Variants in EIF3A observed in about 807,000 individuals in gnomAD.
The protein encoded by EIF3A is eukaryotic translation initiation factor 3 subunit A.
Under a neutral mutation model 186.6 loss-of-function variants are expected in EIF3A, and 21 were observed. The observed-to-expected ratio is 0.11, with a 90% CI of 0.08 to 0.16. EIF3A has a LOEUF of 0.16. EIF3A is among the 10% of genes least tolerant of loss of function. The pLI is 1.00. For synonymous variants in EIF3A, 563 were observed against 584.3 expected (o/e 0.96, Z 0.52); for missense variants, 1,306 against 1,796.3 (o/e 0.73, Z 4.93).
intron 12 of EIF3A, among the ~76,000 whole-genome samples, 171 bp from the exon 13 acceptor site, chr10:119,057,211 G>A (rs1253804621): frequency 9.2e-5 from 14 of 152,010 alleles, no homozygotes; most frequent in Non-Finnish European, 1.9e-4. Context: ...TGACCATAAG[G>A]AAAAAAATAT....
At chr10:119,080,385 G>A in intron 1 of EIF3A, 1 of 985,460 alleles carries the variant, frequency 1.0e-6, no homozygotes, top group Non-Finnish European at 1.2e-6. Flanking sequence ...CGCACCCGGA[G>A]GCGGCAGGGG....
At chr10:119,077,207 G>A (rs562369602) in intron 1 of EIF3A, among the ~76,000 whole-genome samples, 1 of 152,244 alleles carries the variant, frequency 6.6e-6, no homozygotes, top group East Asian at 1.9e-4. Flanking sequence ...GCTCACGCCT[G>A]TAATCCCAGC....
At chr10:119,080,464 A>T in intron 1 of EIF3A, 164 bp downstream of exon 1, 2 of 985,398 alleles carry the variant, frequency 2.0e-6, no homozygotes, top group Non-Finnish European at 2.4e-6. Flanking sequence ...TAGAGTGAGA[A>T]GGAAACCCAT....
chr10:119,064,292 G>A (rs1276582455), intron 7 of EIF3A, among the ~76,000 whole-genome samples: 1 of 152,164 alleles, frequency 6.6e-6, no homozygotes, highest in African/African-American at 2.4e-5. Flanking sequence ...TTGAACATCA[G>A]ACACTGAAGG....
chr10:119,060,860 A>G lies in EIF3A; in HGVS notation c.1228-16T>C. ...AATTTAGAACCTATAAAATCCATTA[A>G]ATTGAAAGAGAATCACACTTTCTAC... On this transcript the variant is annotated splice_polypyrimidine_tract_variant and intron_variant, in intron 8 of 21. Transcript: ENST00000369144. 2 of 1,539,922 alleles carry G rather than the reference A, an allele frequency of 1.3e-6. No individual in the cohort carries two copies. The highest frequency in any genetic ancestry group is 1.8e-6 in the Non-Finnish European group (2 of 1,130,732).
At position 119,042,496 on chromosome 10, in the gene EIF3A, G is replaced by A; in HGVS notation, c.3024C>T (p.Asn1008=). ...GTCTGTCATCATCCGCATGACGCCA[G>A]TTTCCCCTGTCTTCATCGGCAATTC... is the stretch of plus-strand genomic sequence containing the variant. ...PRRIADEDRG[N]WRHADDDRPP... Residue 1008 remains asparagine (N), a synonymous_variant, in exon 19 of 22, where the codon AAC becomes AAT. Transcript: ENST00000369144. This position sits in a 1 kb window ranked among gnomAD's most constrained non-coding sequence, Gnocchi z 7.8. 6.2e-7 allele frequency: 1 copy of A among 1,614,180 alleles called. No homozygotes were observed. Among genetic ancestry groups the A allele is most frequent in the African/African-American group, 1.3e-5 (1 of 75,040 alleles).
At chr10:119,075,621 A>AAAAAG (rs5788327) in intron 1 of EIF3A, among the ~76,000 whole-genome samples, 1 of 111,730 alleles carries the variant, frequency 9.0e-6, no homozygotes, top group African/African-American at 3.4e-5. Flanking sequence ...AAAAAAAAAA[A>AAAAAG]GGGGGGGAGC....
chr10:119,051,219 C>A lies in EIF3A; in HGVS notation c.2299G>T (p.Ala767Ser). 2 of 1,609,508 alleles carry A rather than the reference C, an allele frequency of 1.2e-6. No individual in the cohort carries two copies. Among genetic ancestry groups the A allele is most frequent in the Non-Finnish European group, 1.7e-6 (2 of 1,178,842 alleles). ...RDLFVMRLKAARQSVYEEKLK... is the reference protein window; with the variant it reads ...RDLFVMRLKASRQSVYEEKLK... ...CTCACCTCATAAACAGACTGCCGTGCAGCTTTGAGTCGCATTACGAATAAA... is the reference window on the plus strand; with the variant it reads ...CTCACCTCATAAACAGACTGCCGTGAAGCTTTGAGTCGCATTACGAATAAA... Residue 767 changes from alanine (A) to serine (S), a missense_variant, in exon 15 of 22, where the codon GCA (alanine) becomes TCA (serine). By Grantham distance (99) the Ala-to-Ser change is moderately conservative. This residue lies in a region of EIF3A where 410 missense variants were observed against 473.5 expected (regional missense o/e 0.87). Transcript: ENST00000369144.
intron 19 of EIF3A, among the ~76,000 whole-genome samples, chr10:119,040,398 G>C (rs1322277887): frequency 6.6e-6 from 1 of 152,212 alleles, no homozygotes; most frequent in Non-Finnish European, 1.5e-5. Context: ...ACAGTTAGAT[G>C]GACAGTGATG....
At chr10:119,050,134 G>A (rs1848336862) in intron 16 of EIF3A, 149 bp from the exon 17 acceptor site, 1 of 791,610 alleles carries the variant, frequency 1.3e-6, no homozygotes, top group South Asian at 1.8e-5. Context: ...ACAGAACATA[G>A]TCAAGAAAAT....
In EIF3A at chr10:119,073,845, C is replaced by T. The variant is rs1295812845; in HGVS notation, c.142G>A (p.Glu48Lys). The change falls in exon 2 of 22, where the codon GAA (glutamate) becomes AAA (lysine). Residue 48 changes from glutamate to lysine, a missense_variant. Glu to Lys is a moderately conservative substitution (Grantham distance 56). Around this residue, in one of 8 missense-constraint regions of EIF3A, gnomAD observed 130 missense variants for 259.3 expected, o/e 0.50. Transcript: ENST00000369144. ...KKHRTWQKIH[E>K]PIMLKYLELC... ...TCCAAGTATTTCAACATAATTGGTT[C>T]GTGTATCTTTTGCCATGTTCTATGT... 6.2e-7 allele frequency: 1 copy of T among 1,613,806 alleles called. No individual in the cohort carries two copies.
chr10:119,072,577 T>G (rs1844095948), intron 4 of EIF3A, among the ~76,000 whole-genome samples: 1 of 152,110 alleles, frequency 6.6e-6, no homozygotes. Flanking sequence ...CTCAGCCTCC[T>G]AAACAGTTGG....
chr10:119,056,350 G>T (rs757144762), intron 14 of EIF3A, among the ~76,000 whole-genome samples: 1 of 152,144 alleles, frequency 6.6e-6, no homozygotes, highest in Non-Finnish European at 1.5e-5. Flanking sequence ...CTGGGGTGGT[G>T]GGGAAGAATA....
intron 11 of EIF3A, among the ~76,000 whole-genome samples, chr10:119,058,621 C>T (rs770934713): frequency 2.0e-5 from 3 of 152,240 alleles, no homozygotes; most frequent in African/African-American, 7.2e-5. Context: ...GTGGCTCATG[C>T]GTGTAACCCC....
chr10:119,070,381 A>C lies in EIF3A; in HGVS notation c.741+505T>G, dbSNP rs185579764. 7.6e-4 allele frequency among the ~76,000 whole-genome samples: 116 copies of C among 152,310 alleles called. 1 individual carries two copies. The highest frequency in any genetic ancestry group is 3.9e-3 in the Admixed American group (59 of 15,288). On this transcript the variant is annotated intron_variant, in intron 5 of 21. Coordinates refer to ENST00000369144, the MANE Select transcript of EIF3A (RefSeq NM_003750.4). ...AATCTACAGCAGCACTTCTCCAAAC[A>C]ATCAGTAGTAAAGGATTCGGTTTGT...
rs771820186 is a variant in EIF3A at position 119,035,990 on chromosome 10, T to A, written c.*49A>T. 7.3e-7 allele frequency: 1 copy of A among 1,378,338 alleles called. No homozygotes were observed. Among genetic ancestry groups the A allele is most frequent in the Non-Finnish European group, 1.0e-6 (1 of 966,586 alleles). 85.4% of individuals were successfully genotyped at this position (1,378,338 alleles called of 1,614,324 possible). ...AAGCACAAGTATAATAATCCTTGAA[T>A]GTGATCAAACCTATTTAAGACACCA... On this transcript the variant is annotated 3_prime_UTR_variant, in exon 22 of 22. Transcript: ENST00000369144.
At chr10:119,060,676 A>G in intron 9 of EIF3A, 70 bp downstream of exon 9, 3 of 1,219,978 alleles carry the variant, frequency 2.5e-6, no homozygotes. Context: ...GCAGTTCTAG[A>G]TTTTTCCAGT....
In EIF3A at chr10:119,041,991, T is replaced by C. The variant is rs771624092; in HGVS notation, c.3526+3A>G. 3.7e-6 allele frequency: 6 copies of C among 1,613,286 alleles called. No individual in the cohort carries two copies. Among genetic ancestry groups the C allele is most frequent in the Non-Finnish European group, 5.1e-6 (6 of 1,179,352 alleles). Reference sequence around the variant, plus strand: ...AAGCATATTCTAGGAAATAGAATTTTACCTGGCTTGACTAATGGTCTCCAA... The same window carrying C: ...AAGCATATTCTAGGAAATAGAATTTCACCTGGCTTGACTAATGGTCTCCAA... On this transcript the variant is annotated splice_donor_region_variant and intron_variant, in intron 19 of 21. Coordinates refer to ENST00000369144, the MANE Select transcript of EIF3A (RefSeq NM_003750.4).
At chr10:119,066,179 C>G (rs1391709093) in intron 6 of EIF3A, among the ~76,000 whole-genome samples, 1 of 151,562 alleles carries the variant, frequency 6.6e-6, no homozygotes, top group Non-Finnish European at 1.5e-5. Context: ...CATTCATATA[C>G]CCCAGACTTC....
Sources: allele counts gnomAD v4.1 joint callset (sites outside exome capture counted in the v4.1 genomes callset), GRCh38; gene constraint gnomAD v4.1.1; regional missense constraint gnomAD v4.1.1; non-coding constraint Gnocchi (gnomAD v3.1); transcripts MANE v1.5; gene names NCBI Gene and HGNC (gene_info 2026-07-23, HGNC 2026-07-21).